Variants in DHRSX observed in about 807,000 individuals in gnomAD.
DHRSX encodes polyprenol dehydrogenase.
In DHRSX, 31 loss-of-function variants were observed where a neutral mutation model predicts 34.0. The ratio of observed to expected loss-of-function variants is 0.91; its 90% confidence interval spans 0.69 to 1.23. DHRSX has a LOEUF of 1.23. Ranked by LOEUF, DHRSX falls within the 50% of genes most tolerant of loss-of-function variation. The pLI, the probability that DHRSX is intolerant of heterozygous loss-of-function variation, is 0.00. For synonymous variants in DHRSX, 201 were observed against 183.8 expected (o/e 1.09, Z -0.76); for missense variants, 414 against 428.1 (o/e 0.97, Z 0.29).
intron 1 of DHRSX, among the ~76,000 whole-genome samples, chrX:2,500,116 G>A (rs1468295987): frequency 6.6e-6 from 1 of 152,230 alleles, no homozygotes; most frequent in Non-Finnish European, 1.5e-5. Flanking sequence ...CATCACTGAT[G>A]AGTTCAGACA....
intron 6 of DHRSX, among the ~76,000 whole-genome samples, chrX:2,242,035 C>G (rs1433505922): frequency 2.6e-5 from 4 of 152,112 alleles, no homozygotes; most frequent in African/African-American, 9.7e-5. Flanking sequence ...TATTCACCCC[C>G]AATTCCCCAC....
At chrX:2,432,380 T>C (rs1011852092) in intron 1 of DHRSX, among the ~76,000 whole-genome samples, 3 of 152,142 alleles carry the variant, frequency 2.0e-5, no homozygotes, top group South Asian at 4.1e-4. Flanking sequence ...AAAATTGCTG[T>C]GGGGAAAAGA....
intron 3 of DHRSX, among the ~76,000 whole-genome samples, chrX:2,369,105 G>A (rs1480270768): frequency 3.3e-5 from 5 of 152,112 alleles, no homozygotes; most frequent in Non-Finnish European, 2.9e-5. Flanking sequence ...AGGAGCCTTC[G>A]TGACCCTACC....
At chrX:2,266,178 A>G (rs752678142) in intron 5 of DHRSX, among the ~76,000 whole-genome samples, 7 of 145,070 alleles carry the variant, frequency 4.8e-5, no homozygotes, top group African/African-American at 1.6e-4. Flanking sequence ...TGCAGGGAGC[A>G]CTGTCCCCAG....
intron 3 of DHRSX, among the ~76,000 whole-genome samples, chrX:2,327,524 A>G (rs1031184262): frequency 1.3e-5 from 2 of 152,140 alleles, no homozygotes; most frequent in African/African-American, 4.8e-5. Context: ...TCGTGGTGGG[A>G]GTCACTAGAC....
intron 3 of DHRSX, among the ~76,000 whole-genome samples, chrX:2,326,989 T>C (rs1175869114): frequency 2.6e-5 from 4 of 151,914 alleles, no homozygotes; most frequent in Admixed American, 2.0e-4. Context: ...TTTTTCGTAT[T>C]TTTAGTAGAG....
chrX:2,487,841 T>C lies in DHRSX; in HGVS notation c.109+12976A>G, dbSNP rs142128071. The C allele has an allele frequency of 3.9e-5, 6 of 152,094 alleles. No homozygotes were observed. In the East Asian group the frequency reaches 9.7e-4, roughly 25 times the overall value. The allele number at this position is 152,094 out of a possible 1,614,324, so 9.4% of individuals were successfully genotyped here. A position where few individuals can be genotyped will look rare whatever the true frequency, so the allele number is the denominator to read the frequency against. ...CTCTTTTTAAGAAGGGCATTTTGGCTAAAAGGTCTCTTCCCCATTTCTCAG... is the reference window on the plus strand; with the variant it reads ...CTCTTTTTAAGAAGGGCATTTTGGCCAAAAGGTCTCTTCCCCATTTCTCAG... On this transcript the variant is annotated intron_variant, in intron 1 of 6. Coordinates refer to ENST00000334651, the MANE Select transcript of DHRSX (RefSeq NM_145177.3).
At chrX:2,345,887 C>T (rs1160396443) in intron 3 of DHRSX, among the ~76,000 whole-genome samples, 1 of 152,108 alleles carries the variant, frequency 6.6e-6, no homozygotes, top group African/African-American at 2.4e-5. Context: ...TGAGACTTGC[C>T]AGCCTCCATC....
chrX:2,471,991 C>T (rs963070176), intron 1 of DHRSX, among the ~76,000 whole-genome samples: 78 of 151,228 alleles, frequency 5.2e-4, no homozygotes, highest in African/African-American at 1.9e-3. Flanking sequence ...ACTAAAAATA[C>T]AAAATTAGCC....
chrX:2,288,121 G>A (rs1193386568), intron 4 of DHRSX, among the ~76,000 whole-genome samples: 6 of 86,390 alleles, frequency 6.9e-5, no homozygotes, highest in African/African-American at 2.0e-4. Flanking sequence ...AGTAAGTGAA[G>A]GAGATAAAAA....
intron 4 of DHRSX, among the ~76,000 whole-genome samples, chrX:2,284,181 CATTCCTTTCA>C (rs2041774094): frequency 1.6e-5 from 2 of 127,704 alleles, no homozygotes; most frequent in South Asian, 5.0e-4. Context: ...TGAATTCATA[CATTCCTTTCA>C]ATTCATTTAG....
At chrX:2,232,924 C>T (rs1478467887) in intron 6 of DHRSX, among the ~76,000 whole-genome samples, 1 of 152,058 alleles carries the variant, frequency 6.6e-6, no homozygotes. Context: ...TCAGAGACCA[C>T]GCTGGGAACC....
At chrX:2,463,789 A>G (rs2044436951) in intron 1 of DHRSX, among the ~76,000 whole-genome samples, 1 of 146,506 alleles carries the variant, frequency 6.8e-6, no homozygotes, top group Non-Finnish European at 1.5e-5. Flanking sequence ...CATGAGAGTC[A>G]GAGACACCCA....
intron 2 of DHRSX, among the ~76,000 whole-genome samples, chrX:2,411,554 C>CAAAA (rs774788900): frequency 3.6e-5 from 2 of 55,526 alleles, no homozygotes; most frequent in African/African-American, 6.9e-5. Flanking sequence ...AACTCTGTCC[C>CAAAA]AAAAAAAAAA....
intron 4 of DHRSX, among the ~76,000 whole-genome samples, chrX:2,276,028 G>A (rs963282796): frequency 2.6e-5 from 4 of 151,966 alleles, no homozygotes; most frequent in African/African-American, 9.7e-5. Flanking sequence ...ATTTTTAGTA[G>A]AGACGGGATT....
At chrX:2,372,286 A>G (rs2043081700) in intron 3 of DHRSX, among the ~76,000 whole-genome samples, 1 of 152,116 alleles carries the variant, frequency 6.6e-6, no homozygotes, top group Non-Finnish European at 1.5e-5. Flanking sequence ...GAAATACATG[A>G]CTGATAAAAC....
rs561409405 is a variant in DHRSX, at chrX:2,426,722, C to T, written c.110-1418G>A. 2.3e-4 allele frequency among the ~76,000 whole-genome samples: 34 copies of T among 146,402 alleles called. 1 individual carries two copies. The South Asian group carries it at 7.5e-3, about 32-fold the overall frequency. On this transcript the variant is annotated intron_variant, in intron 1 of 6. Coordinates refer to ENST00000334651, the MANE Select transcript of DHRSX (RefSeq NM_145177.3). ...TTCTCCTTCCATCCTTTCCTCTTCA[C>T]TTCTTTCTCTCACTTTTTCCTTCCT...
chrX:2,273,579 C>T (rs978187371), intron 4 of DHRSX, among the ~76,000 whole-genome samples: 2 of 152,088 alleles, frequency 1.3e-5, no homozygotes, highest in Non-Finnish European at 2.9e-5. Flanking sequence ...AACCTGTCAC[C>T]CAGGAAATGG....
intron 3 of DHRSX, among the ~76,000 whole-genome samples, chrX:2,329,685 T>C (rs2042433035): frequency 6.6e-6 from 1 of 152,140 alleles, no homozygotes; most frequent in African/African-American, 2.4e-5. Context: ...CCACCACTGT[T>C]TGGTCACACC....
Sources: gnomAD v4.1 joint callset for allele counts (sites outside exome capture counted in the v4.1 genomes callset) on GRCh38, gnomAD v4.1.1 for gene constraint, MANE v1.5 for transcripts, NCBI Gene and HGNC (gene_info 2026-07-23, HGNC 2026-07-21) for gene names.